The following ALK variants were observed in gnomAD, a reference collection of about 807,000 sequenced individuals.
The protein encoded by ALK is ALK tyrosine kinase receptor.
Under a neutral mutation model 163.1 loss-of-function variants are expected in ALK, and 74 were observed. The observed-to-expected ratio is 0.45, with a 90% confidence interval of 0.38 to 0.55. The LOEUF is 0.55. Ranked by LOEUF, ALK falls within the 20% of genes least tolerant of loss-of-function variation. The pLI is 0.00. For missense variants in ALK, 2,063 were observed against 2,105.3 expected (o/e 0.98, Z 0.39); for synonymous variants, 960 against 843.2 (o/e 1.14, Z -2.40).
At chr2:29,807,338 G>A (rs1664646316) in intron 1 of ALK, among the ~76,000 whole-genome samples, 1 of 152,242 alleles carries the variant, frequency 6.6e-6, no homozygotes, top group Non-Finnish European at 1.5e-5. Flanking sequence ...CCATAGCGGT[G>A]TGAGTCTTGT....
chr2:29,514,893 C>G (rs1251030328), intron 4 of ALK, among the ~76,000 whole-genome samples: 1 of 152,160 alleles, frequency 6.6e-6, no homozygotes, highest in Non-Finnish European at 1.5e-5. Context: ...CATACCCATC[C>G]CTACCCTACC....
chr2:29,667,833 A>AT (rs916985267), intron 3 of ALK, among the ~76,000 whole-genome samples: 1 of 151,870 alleles, frequency 6.6e-6, no homozygotes, highest in Non-Finnish European at 1.5e-5. Flanking sequence ...CTCCTCTTCA[A>AT]TTTTTTTGAA....
chr2:29,524,865 G>T (rs1177834304), intron 4 of ALK, among the ~76,000 whole-genome samples: 1 of 151,760 alleles, frequency 6.6e-6, no homozygotes, highest in Non-Finnish European at 1.5e-5. Flanking sequence ...ATGGATGGAT[G>T]GATGGATGAA....
At chr2:29,859,940 G>T (rs1260087448) in intron 1 of ALK, among the ~76,000 whole-genome samples, 1 of 152,108 alleles carries the variant, frequency 6.6e-6, no homozygotes, top group Non-Finnish European at 1.5e-5. Context: ...AGAGCCTTGG[G>T]GTTCCCAAAG....
intron 1 of ALK, among the ~76,000 whole-genome samples, chr2:29,815,006 G>A (rs1664858450): frequency 7.4e-6 from 1 of 134,396 alleles, no homozygotes; most frequent in Non-Finnish European, 1.6e-5. Flanking sequence ...GAATGAATGA[G>A]TGGACGGACT....
At chr2:29,582,371 A>G (rs1207727943) in intron 3 of ALK, among the ~76,000 whole-genome samples, 1 of 152,234 alleles carries the variant, frequency 6.6e-6, no homozygotes, top group Non-Finnish European at 1.5e-5. Flanking sequence ...TTTGTTCAGT[A>G]TCTCAGTAAC....
intron 3 of ALK, among the ~76,000 whole-genome samples, chr2:29,573,510 A>G (rs2148192071): frequency 6.6e-6 from 1 of 152,356 alleles, no homozygotes; most frequent in African/African-American, 2.4e-5. Context: ...AAATTTTTTG[A>G]GACAGGATCT....
At chr2:29,785,874 G>A (rs1465595174) in intron 1 of ALK, among the ~76,000 whole-genome samples, 1 of 151,358 alleles carries the variant, frequency 6.6e-6, no homozygotes, top group Non-Finnish European at 1.5e-5. Context: ...GAGATTCAGG[G>A]GGAATATCAT....
chr2:29,389,221 G>C (rs1437494716), intron 4 of ALK, among the ~76,000 whole-genome samples: 2 of 152,320 alleles, frequency 1.3e-5, no homozygotes, highest in East Asian at 3.9e-4. Flanking sequence ...TAGGTACCAA[G>C]ATTTTTAGTG....
In ALK at chr2:29,791,243, A is replaced by G. The variant is rs573060617; in HGVS notation, c.668-73546T>C. Among the ~76,000 whole-genome samples, 26 of 152,316 alleles carry G rather than the reference A, an allele frequency of 1.7e-4. No individual in the cohort carries two copies. In the South Asian group the frequency reaches 4.8e-3, roughly 28 times the overall value. ...TTGGAACCAACCCAAATGCCCATCA[A>G]TGATAGACTGGATAAAGAAAATGTG... On this transcript the variant is annotated intron_variant, in intron 1 of 28. Coordinates refer to ENST00000389048, the MANE Select transcript of ALK (RefSeq NM_004304.5).
At chr2:29,407,563 G>C (rs2148319685) in intron 4 of ALK, among the ~76,000 whole-genome samples, 1 of 152,320 alleles carries the variant, frequency 6.6e-6, no homozygotes, top group South Asian at 2.1e-4. Flanking sequence ...GCTCTTAACT[G>C]TTACCTTTTA....
chr2:29,544,037 G>A (rs1673484392), intron 3 of ALK, among the ~76,000 whole-genome samples: 1 of 152,146 alleles, frequency 6.6e-6, no homozygotes, highest in Admixed American at 6.5e-5. Context: ...TTGGCTAATT[G>A]TCCATAGTAC....
At chr2:29,676,280 G>A (rs1677870037) in intron 3 of ALK, among the ~76,000 whole-genome samples, 1 of 151,928 alleles carries the variant, frequency 6.6e-6, no homozygotes, top group African/African-American at 2.4e-5. Flanking sequence ...CCCACCCAAG[G>A]TCACAAAGAT....
intron 2 of ALK, among the ~76,000 whole-genome samples, chr2:29,700,163 G>T (rs909446110): frequency 1.3e-5 from 2 of 152,204 alleles, no homozygotes; most frequent in Admixed American, 6.5e-5. Context: ...AGGACTTGTT[G>T]TCATCCCAAG....
chr2:29,308,437 G>A (rs1666591857), intron 8 of ALK, among the ~76,000 whole-genome samples: 2 of 152,126 alleles, frequency 1.3e-5, no homozygotes, highest in African/African-American at 4.8e-5. Flanking sequence ...ATATTAAAAA[G>A]GTGGTGAGAG....
chr2:29,217,802 G>A (rs1669682015), intron 23 of ALK, among the ~76,000 whole-genome samples: 1 of 152,104 alleles, frequency 6.6e-6, no homozygotes, highest in South Asian at 2.1e-4. Context: ...TCCAACAAGC[G>A]AATCAGGTGG....
chr2:29,747,501 T>A (rs193067238), intron 1 of ALK, among the ~76,000 whole-genome samples: 12 of 152,352 alleles, frequency 7.9e-5, no homozygotes, highest in Admixed American at 2.0e-4. Context: ...GAGCATCTCT[T>A]GGACCTCAGA....
Position 29,640,458 on chromosome 2 carries a change from T to G in ALK, c.952+54392A>C, listed in dbSNP as rs146334422. 5.2e-3 allele frequency among the ~76,000 whole-genome samples: 786 copies of G among 152,218 alleles called. 13 individuals carry two copies. Among genetic ancestry groups the G allele is most frequent in the African/African-American group, 0.017 (724 of 41,526 alleles). On this transcript the variant is annotated intron_variant, in intron 3 of 28. Transcript: ENST00000389048. ...GTCTCTTGCTTCTGCTCTGGCCAAG[T>G]GATGTGCCTGCTTCCCCTCTGCCTT...
intron 4 of ALK, among the ~76,000 whole-genome samples, chr2:29,527,761 C>A (rs1014810464): frequency 6.6e-6 from 1 of 152,148 alleles, no homozygotes; most frequent in African/African-American, 2.4e-5. Flanking sequence ...GTGATCCTCC[C>A]GCCTTGGTCT....
Sources: gnomAD v4.1 joint callset for allele counts (sites outside exome capture counted in the v4.1 genomes callset) on GRCh38, gnomAD v4.1.1 for gene constraint, MANE v1.5 for transcripts, NCBI Gene and HGNC (gene_info 2026-07-23, HGNC 2026-07-21) for gene names.